The following TNK2 variants were observed in gnomAD, a reference collection of about 807,000 sequenced individuals.
The protein encoded by TNK2 is activated CDC42 kinase 1.
In TNK2, 83 loss-of-function variants were observed where a neutral mutation model predicts 101.8. That is an observed-to-expected ratio of 0.82 (90% CI 0.68 to 0.98). The LOEUF is 0.98. TNK2 is among the 50% of genes least tolerant of loss of function. The probability of loss-of-function intolerance (pLI) is 0.00; values close to 1 mark genes in which losing one functional copy is unlikely to be tolerated. For missense variants in TNK2, 1,665 were observed against 1,483.2 expected (o/e 1.12, Z -2.01); for synonymous variants, 804 against 633.0 (o/e 1.27, Z -4.06).
chr3:195,906,507 C>T (rs957243817), intron 1 of TNK2, among the ~76,000 whole-genome samples: 6 of 152,014 alleles, frequency 3.9e-5, no homozygotes, highest in Admixed American at 2.6e-4. Context: ...ATGAAAGACG[C>T]GATTCCGTTT....
Position 195,870,169 on chromosome 3 carries a change from G to A in TNK2, c.1488C>T (p.Leu496=), listed in dbSNP as rs749833423. The change falls in exon 11 of 16, where the codon CTC becomes CTT. Residue 496 remains leucine (L), a synonymous_variant. Coordinates refer to ENST00000672887, the MANE Select transcript of TNK2 (RefSeq NM_001382273.1). ...GGGAGGTGCTCAGTTCCACGCTCAG[G>A]AGGTCGGGGGGGTCCATGGGGTTTC... ...YLGNPMDPPD[L]LSVELSTSRP... 2.3e-5 allele frequency: 35 copies of A among 1,511,688 alleles called. No homozygotes were observed. The South Asian group carries it at 3.5e-4, about 15-fold the overall frequency. The allele number at this position is 1,511,688 out of a possible 1,614,324, so 93.6% of individuals were successfully genotyped here.
At chr3:195,875,907 T>A (rs777660307) in intron 9 of TNK2, among the ~76,000 whole-genome samples, 3 of 152,168 alleles carry the variant, frequency 2.0e-5, no homozygotes, top group Non-Finnish European at 4.4e-5. Context: ...TCTGGAAATC[T>A]CAGCACCACG....
chr3:195,870,648 G>A (rs1343047472), intron 10 of TNK2, among the ~76,000 whole-genome samples: 1 of 152,248 alleles, frequency 6.6e-6, no homozygotes, highest in Non-Finnish European at 1.5e-5. Flanking sequence ...GAGAGGCTGG[G>A]CCACCTGTCC....
rs1398465895 is a variant in TNK2 at position 195,888,964 on chromosome 3, T to G, written c.-18-358A>C. 6.6e-6 allele frequency among the ~76,000 whole-genome samples: 1 copy of G among 152,028 alleles called. No individual in the cohort carries two copies. The highest frequency in any genetic ancestry group is 1.5e-5 in the Non-Finnish European group (1 of 68,006). On this transcript the variant is annotated intron_variant, in intron 1 of 15. Coordinates refer to ENST00000672887, the MANE Select transcript of TNK2 (RefSeq NM_001382273.1). The surrounding 1 kb of genome is among the most constrained non-coding windows in gnomAD (Gnocchi z 5.3). ...AAAATCTTTTAAAAACTAACAGTGG[T>G]CTCTCCGGGAACACCGACGTGTTCT...
rs755144718 is a variant in TNK2 at position 195,883,195 on chromosome 3, G to C, written c.571C>G (p.Arg191Gly). The change falls in exon 5 of 16, where the codon CGC becomes GGC. Residue 191 changes from arginine (R) to glycine (G), a missense_variant. This residue lies in a region of TNK2 where 490 missense variants were observed against 522.5 expected (regional missense o/e 0.94). Coordinates refer to ENST00000672887, the MANE Select transcript of TNK2 (RefSeq NM_001382273.1). ...MHSLDHRNLI[R>G]LYGVVLTPPM... is the part of the protein sequence containing the mutation. Reference sequence around the variant, plus strand: ...GGCGTGAGCACCACCCCGTAGAGGCGGATGAGGTTTCGGTGGTCGAGCGAG... The same window carrying C: ...GGCGTGAGCACCACCCCGTAGAGGCCGATGAGGTTTCGGTGGTCGAGCGAG... 6.2e-7 allele frequency: 1 copy of C among 1,609,558 alleles called. No homozygotes were observed. Among genetic ancestry groups the C allele is most frequent in the South Asian group, 1.1e-5 (1 of 91,066 alleles).
chr3:195,867,783 C>G lies in TNK2; in HGVS notation c.2515G>C (p.Asp839His). Residue 839 changes from aspartate to histidine, a missense_variant, in exon 13 of 16, where the codon GAC becomes CAC. Transcript: ENST00000672887. ...ACCTGGGGGGTGGCGTACTTGGGGT[C>G]TGAGGCAAAGCTCTGGGTGGTGGGC... ...TMPTTQSFAS[D>H]PKYATPQVIQ... The G allele has an allele frequency of 6.3e-7, 1 of 1,578,632 alleles. No homozygotes were observed. The highest frequency in any genetic ancestry group is 8.6e-7 in the Non-Finnish European group (1 of 1,164,616).
chr3:195,872,163 G>A (rs1439766139), intron 10 of TNK2, 113 bp downstream of exon 10: 13 of 1,250,630 alleles, frequency 1.0e-5, no homozygotes, highest in Admixed American at 2.3e-5. Flanking sequence ...GCGGGTCGGG[G>A]GCTGAAGCCC....
In TNK2 at chr3:195,883,249, C is replaced by T. The variant is rs766970227; in HGVS notation, c.517G>A (p.Asp173Asn). ...DVLSQPEAMD[D>N]FIREVNAMHS... ...ATGGCATTGACCTCCCGGATGAAGT[C>T]GTCCATGGCTTCTGGCTGGCTCAGG... The change falls in exon 5 of 16, where the codon GAC becomes AAC. Residue 173 changes from aspartate to asparagine, a missense_variant. By Grantham distance (23) the Asp-to-Asn change is conservative. This residue lies in a region of TNK2 where 490 missense variants were observed against 522.5 expected (regional missense o/e 0.94). Coordinates refer to ENST00000672887, the MANE Select transcript of TNK2 (RefSeq NM_001382273.1). 3.1e-6 allele frequency: 5 copies of T among 1,613,328 alleles called. No homozygotes were observed. Among genetic ancestry groups the T allele is most frequent in the East Asian group, 2.2e-5 (1 of 44,882 alleles).
chr3:195,907,369 C>A (rs1436495923), intron 1 of TNK2, among the ~76,000 whole-genome samples: 1 of 152,334 alleles, frequency 6.6e-6, no homozygotes, highest in East Asian at 1.9e-4. Context: ...AGCACCACTC[C>A]CTCTGCCCCC....
chr3:195,903,981 A>C (rs1396632028), intron 1 of TNK2, among the ~76,000 whole-genome samples: 1 of 152,196 alleles, frequency 6.6e-6, no homozygotes, highest in African/African-American at 2.4e-5. Context: ...AAGTTTAAAC[A>C]ACGGTACCAT....
chr3:195,883,075 T>G, intron 5 of TNK2, 82 bp downstream of exon 5: 1 of 1,542,196 alleles, frequency 6.5e-7, no homozygotes. Flanking sequence ...GCCTCTGACC[T>G]TAGGATGGAG....
rs1031563373 is a variant in TNK2, at chr3:195,864,071, G to C, written c.*110C>G. The stretch of plus-strand genomic sequence containing the variant: ...TGGCCTTGCTCCATCCCCGGGAGCA[G>C]CAGGAGCAGCGGGTCCTCCAGGACT... On this transcript the variant is annotated 3_prime_UTR_variant, in exon 16 of 16. Transcript: ENST00000672887. 1 of 1,475,332 alleles carries C rather than the reference G, an allele frequency of 6.8e-7. No individual in the cohort carries two copies. The highest frequency in any genetic ancestry group is 1.4e-5 in the African/African-American group (1 of 71,948). 91.4% of individuals were successfully genotyped at this position (1,475,332 alleles called of 1,614,324 possible). A position where few individuals can be genotyped will look rare whatever the true frequency, so the allele number is the denominator to read the frequency against.
intron 1 of TNK2, among the ~76,000 whole-genome samples, chr3:195,902,141 G>A (rs1292543550): frequency 6.6e-6 from 1 of 152,210 alleles, no homozygotes; most frequent in African/African-American, 2.4e-5. Flanking sequence ...CTGGAAAGCA[G>A]ATGGGCTGGT....
At chr3:195,895,995 G>A (rs1199954851) in intron 1 of TNK2, 10 of 356,706 alleles carry the variant, frequency 2.8e-5, no homozygotes, top group Non-Finnish European at 5.5e-6. Context: ...CCCGCGGCCG[G>A]TTCCCCGCGC....
intron 9 of TNK2, 36 bp from the exon 10 acceptor site, chr3:195,872,506 T>G (rs1553907152): frequency 1.3e-6 from 2 of 1,548,512 alleles, no homozygotes; most frequent in East Asian, 4.5e-5. Context: ...ACGCCAGGCG[T>G]GGCGGGGCAG....
chr3:195,895,538 G>C, intron 1 of TNK2: 1 of 1,336,408 alleles, frequency 7.5e-7, no homozygotes, highest in East Asian at 3.1e-5. Flanking sequence ...CCTGCAGCCC[G>C]TCCCAGCTCC....
In TNK2 at chr3:195,882,059, G is replaced by A; in HGVS notation, c.879C>T (p.Pro293=). The change falls in exon 6 of 16, where the codon CCC becomes CCT. Residue 293 remains proline, a synonymous_variant. Transcript: ENST00000672887. This position sits in a 1 kb window ranked among gnomAD's most constrained non-coding sequence, Gnocchi z 4.2. ...CAGCACCTGCCCCTCACCAGGCGAA[G>A]GGCACCTTGCGATGTTCCTGCATGA... The part of the protein sequence containing the change: ...HYVMQEHRKV[P]FAWCAPESLK... 1.2e-6 allele frequency: 2 copies of A among 1,608,552 alleles called. No individual in the cohort carries two copies. Among genetic ancestry groups the A allele is most frequent in the Non-Finnish European group, 1.7e-6 (2 of 1,175,900 alleles).
At chr3:195,896,939 T>G (rs1397903650) in intron 1 of TNK2, among the ~76,000 whole-genome samples, 1 of 152,222 alleles carries the variant, frequency 6.6e-6, no homozygotes, top group Non-Finnish European at 1.5e-5. Flanking sequence ...TGACAGGCAA[T>G]TTCCGGCCAA....
chr3:195,887,784 T>C (rs573459121), intron 2 of TNK2, among the ~76,000 whole-genome samples: 50 of 150,370 alleles, frequency 3.3e-4, no homozygotes, highest in East Asian at 1.4e-3. Flanking sequence ...TCTGCGCGCG[T>C]GTGTGTACAT....
Sources: allele counts gnomAD v4.1 joint callset (sites outside exome capture counted in the v4.1 genomes callset), GRCh38; gene constraint gnomAD v4.1.1; regional missense constraint gnomAD v4.1.1; non-coding constraint Gnocchi (gnomAD v3.1); transcripts MANE v1.5; gene names NCBI Gene and HGNC (gene_info 2026-07-23, HGNC 2026-07-21).